ARID1B: variants seen among roughly 807,000 people sequenced by gnomAD.
The protein encoded by ARID1B is AT-rich interactive domain-containing protein 1B.
In ARID1B, 30 loss-of-function variants were observed where a neutral mutation model predicts 212.3. That is an observed-to-expected ratio of 0.14 (90% CI 0.11 to 0.19). The LOEUF (loss-of-function observed/expected upper bound fraction) is 0.19, where lower values mean the gene tolerates loss of function less well. Ranked by LOEUF, ARID1B falls within the 10% of genes least tolerant of loss-of-function variation. ARID1B has a pLI of 1.00. For missense variants in ARID1B, 2,891 were observed against 3,204.0 expected (o/e 0.90, Z 2.36); for synonymous variants, 1,402 against 1,301.7 (o/e 1.08, Z -1.66).
intron 2 of ARID1B, among the ~76,000 whole-genome samples, chr6:156,876,882 ATTT>A (rs372345718): frequency 2.0e-5 from 3 of 151,768 alleles, no homozygotes; most frequent in African/African-American, 7.3e-5. Context: ...TTAAATATTA[ATTT>A]TTTTTGTTGT....
chr6:157,045,274 A>C (rs1782159329), intron 4 of ARID1B, among the ~76,000 whole-genome samples: 1 of 152,230 alleles, frequency 6.6e-6, no homozygotes, highest in East Asian at 1.9e-4. Context: ...CAGGCTACCA[A>C]TATAGTATTT....
intron 1 of ARID1B, among the ~76,000 whole-genome samples, chr6:156,789,450 G>A (rs1779871535): frequency 2.0e-5 from 3 of 152,190 alleles, no homozygotes; most frequent in Admixed American, 2.0e-4. Flanking sequence ...GCATCATGCT[G>A]GGTGATGGGA....
In ARID1B at chr6:156,778,086, T is replaced by TCGGGCC; in HGVS notation, c.412_417dup (p.Pro138_Gly139dup). 1 of 1,539,290 alleles carries TCGGGCC rather than the reference T, an allele frequency of 6.5e-7. No homozygotes were observed. Among genetic ancestry groups the TCGGGCC allele is most frequent in the Non-Finnish European group, 8.7e-7 (1 of 1,146,090 alleles). ...AGCGGCGGCATCCTCTTCCTCCTCG[T>TCGGGCC]CGGGCCCGGGCTCGGCCATGGAGAC... On this transcript the variant is annotated inframe_insertion, in exon 1 of 20. Transcript: ENST00000636930.
chr6:156,803,229 C>T (rs929453190), intron 1 of ARID1B, among the ~76,000 whole-genome samples: 1 of 152,032 alleles, frequency 6.6e-6, no homozygotes, highest in African/African-American at 2.4e-5. Context: ...TTTATTAAGC[C>T]TTTTCAATGA....
At position 156,777,965 on chromosome 6, in the gene ARID1B, C is replaced by G. The variant is rs1778752994; in HGVS notation, c.285C>G (p.Gly95=). ...ACGCGGGCGCCGCGGCCGCCGCCGG[C>G]ACCCACAGCGCCAAGAGCGGCGGCT... The part of the protein sequence containing the change: ...AHNAGAAAAA[G]THSAKSGGSE... Residue 95 remains glycine, a synonymous_variant, in exon 1 of 20, where the codon GGC becomes GGG. Transcript: ENST00000636930. 1.3e-6 allele frequency: 2 copies of G among 1,530,358 alleles called. No individual in the cohort carries two copies. The highest frequency in any genetic ancestry group is 1.4e-5 in the African/African-American group (1 of 72,602). 94.8% of individuals were successfully genotyped at this position (1,530,358 alleles called of 1,614,324 possible). A position where few individuals can be genotyped will look rare whatever the true frequency, so the allele number is the denominator to read the frequency against.
At chr6:157,113,677 G>T (rs1430123669) in intron 6 of ARID1B, among the ~76,000 whole-genome samples, 1 of 152,172 alleles carries the variant, frequency 6.6e-6, no homozygotes, top group Non-Finnish European at 1.5e-5. Context: ...CAACATTTGG[G>T]TGGGGACACA....
intron 2 of ARID1B, among the ~76,000 whole-genome samples, chr6:156,843,560 G>A (rs1281590174): frequency 6.6e-6 from 1 of 152,152 alleles, no homozygotes; most frequent in Non-Finnish European, 1.5e-5. Context: ...TGGTAACACC[G>A]AGGGGCACAC....
chr6:156,861,911 G>A (rs1219720858), intron 2 of ARID1B, among the ~76,000 whole-genome samples: 1 of 152,192 alleles, frequency 6.6e-6, no homozygotes, highest in Non-Finnish European at 1.5e-5. Context: ...CCAAAAGGGA[G>A]GTAGGACTGA....
At chr6:156,792,209 C>T (rs1780057823) in intron 1 of ARID1B, among the ~76,000 whole-genome samples, 1 of 152,152 alleles carries the variant, frequency 6.6e-6, no homozygotes, top group Non-Finnish European at 1.5e-5. Flanking sequence ...GAATGAGAAG[C>T]AGCATATCCA....
In ARID1B at chr6:157,020,959, A is replaced by G. The variant is rs1459888312; in HGVS notation, c.2248-63703A>G. The stretch of plus-strand genomic sequence containing the variant: ...ACGTTACTTCTTTGCAGAATTCGAT[A>G]AAGAAATGAGAAATTCGGGGACCCG... On this transcript the variant is annotated intron_variant, in intron 4 of 19. Coordinates refer to ENST00000636930, the MANE Select transcript of ARID1B (RefSeq NM_001374828.1). 3.9e-5 allele frequency among the ~76,000 whole-genome samples: 6 copies of G among 152,348 alleles called. No homozygotes were observed. The South Asian group carries it at 1.0e-3, about 26-fold the overall frequency.
chr6:157,065,728 G>A (rs984336144), intron 4 of ARID1B, among the ~76,000 whole-genome samples: 5 of 152,224 alleles, frequency 3.3e-5, no homozygotes, highest in African/African-American at 1.2e-4. Flanking sequence ...GCGTACATTA[G>A]TGCTGACCTA....
chr6:156,980,846 A>G (rs1777562754), intron 4 of ARID1B, among the ~76,000 whole-genome samples: 1 of 152,232 alleles, frequency 6.6e-6, no homozygotes. Context: ...CATACAGAAG[A>G]ATACACAGAT....
At chr6:157,143,567 C>T (rs1022352090) in intron 7 of ARID1B, among the ~76,000 whole-genome samples, 1 of 151,974 alleles carries the variant, frequency 6.6e-6, no homozygotes, top group Non-Finnish European at 1.5e-5. Context: ...CGGTGCCTGG[C>T]GCTGTACTTG....
At chr6:156,978,639 T>C (rs1380606466) in intron 4 of ARID1B, among the ~76,000 whole-genome samples, 2 of 152,252 alleles carry the variant, frequency 1.3e-5, no homozygotes, top group Admixed American at 6.5e-5. Context: ...TGTGTCGTTA[T>C]ACAGAAGTTA....
chr6:157,020,086 T>TTAAC (rs1212279807), intron 4 of ARID1B, among the ~76,000 whole-genome samples: 2 of 152,232 alleles, frequency 1.3e-5, no homozygotes, highest in South Asian at 2.1e-4. Flanking sequence ...AAGACAAAGC[T>TTAAC]GTTAGAGGGA....
At position 157,181,177 on chromosome 6, in the gene ARID1B, A is replaced by G; in HGVS notation, c.3713A>G (p.Gln1238Arg). 6.2e-7 allele frequency: 1 copy of G among 1,614,088 alleles called. No homozygotes were observed. The highest frequency in any genetic ancestry group is 8.5e-7 in the Non-Finnish European group (1 of 1,179,942). The change falls in exon 12 of 20, where the codon CAG (glutamine) becomes CGG (arginine). Residue 1238 changes from glutamine to arginine, a missense_variant and splice_region_variant. Transcript: ENST00000636930. ...VCVKEIGGLAQVNKNKKWREL... is the reference protein window; with the variant it reads ...VCVKEIGGLARVNKNKKWREL... ...GTCAAAGAGATCGGGGGTTTGGCCC[A>G]GGTAAGAATGAGTGAGGGAGGGGGT...
At chr6:157,122,239 G>A (rs1002135630) in intron 6 of ARID1B, among the ~76,000 whole-genome samples, 3 of 152,108 alleles carry the variant, frequency 2.0e-5, no homozygotes, top group Non-Finnish European at 2.9e-5. Context: ...TTGAAGTAGC[G>A]TTTTTCCTAG....
intron 4 of ARID1B, among the ~76,000 whole-genome samples, chr6:156,994,401 C>T (rs1352423057): frequency 3.3e-5 from 5 of 152,014 alleles, no homozygotes; most frequent in Middle Eastern, 3.2e-3. Context: ...TTCCAGAGAA[C>T]GCCCTCTGAT....
intron 6 of ARID1B, among the ~76,000 whole-genome samples, chr6:157,116,534 A>T (rs188006892): frequency 6.7e-6 from 1 of 149,982 alleles, no homozygotes; most frequent in African/African-American, 2.5e-5. Flanking sequence ...TTGAATAATT[A>T]GAAGGTCATA....
Sources: gnomAD v4.1 joint callset for allele counts (sites outside exome capture counted in the v4.1 genomes callset) on GRCh38, gnomAD v4.1.1 for gene constraint, MANE v1.5 for transcripts, NCBI Gene and HGNC (gene_info 2026-07-23, HGNC 2026-07-21) for gene names.